Variants in PPIP5K1 observed in about 807,000 individuals in gnomAD.
PPIP5K1 encodes the protein inositol hexakisphosphate and diphosphoinositol-pentakisphosphate kinase 1.
PPIP5K1 carries 6 observed loss-of-function variants against 27.7 expected under a neutral mutation model. The ratio of observed to expected loss-of-function variants is 0.22; its 90% CI spans 0.12 to 0.43. PPIP5K1 has a LOEUF of 0.43. PPIP5K1 is among the 20% of genes least tolerant of loss of function. The pLI is 1.00. For synonymous variants in PPIP5K1, 145 were observed against 242.6 expected, an observed-to-expected ratio of 0.60 and a Z score of 3.74; for missense variants, 394 against 635.4, an observed-to-expected ratio of 0.62 and a Z score of 4.08.
intron 26 of PPIP5K1, among the ~76,000 whole-genome samples, chr15:43,567,414 G>A (rs1241124147): frequency 7.2e-4 from 1 of 1,394 alleles, no homozygotes; most frequent in Non-Finnish European, 1.8e-3. Flanking sequence ...CACTGCGCCT[G>A]GCCAGATCTA....
chr15:43,539,072 G>T (rs1167508492), intron 31 of PPIP5K1, among the ~76,000 whole-genome samples: 1 of 151,982 alleles, frequency 6.6e-6, no homozygotes, highest in South Asian at 2.1e-4. Context: ...TTAGCTGGGC[G>T]TGGTGGTGCA....
chr15:43,557,711 C>A (rs2083174701), intron 30 of PPIP5K1, among the ~76,000 whole-genome samples: 1 of 151,806 alleles, frequency 6.6e-6, no homozygotes, highest in Non-Finnish European at 1.5e-5. Flanking sequence ...TCCACCCAGG[C>A]TGGAGCGCAG....
intron 30 of PPIP5K1, 59 bp downstream of exon 30, chr15:43,558,736 T>C (rs2083375478): frequency 1.3e-6 from 2 of 1,599,504 alleles, no homozygotes; most frequent in Admixed American, 1.7e-5. Context: ...CTTTCTTATA[T>C]TCTAGGAAGC....
chr15:43,546,559 G>A (rs919004573), intron 30 of PPIP5K1, among the ~76,000 whole-genome samples: 2 of 151,982 alleles, frequency 1.3e-5, no homozygotes, highest in African/African-American at 4.8e-5. Flanking sequence ...ACAAAGAGCT[G>A]GGATTACAGG....
At chr15:43,558,297 G>A (rs184373986) in intron 30 of PPIP5K1, among the ~76,000 whole-genome samples, 11 of 149,064 alleles carry the variant, frequency 7.4e-5, no homozygotes, top group South Asian at 6.5e-4. Context: ...GTGTGATCTC[G>A]GCTCCCTGCA....
At chr15:43,557,829 C>CTT (rs749398933) in intron 30 of PPIP5K1, among the ~76,000 whole-genome samples, 9 of 125,802 alleles carry the variant, frequency 7.2e-5, no homozygotes, top group Non-Finnish European at 1.0e-4. Flanking sequence ...CATGCATAGC[C>CTT]TTTTTTTTTT....
rs1305890997 is a variant in PPIP5K1, at chr15:43,535,175, T to C, written c.3972A>G (p.Pro1324=). The change falls in exon 32 of 32, where the codon CCA becomes CCG. Residue 1324 remains proline (P), a synonymous_variant. Coordinates refer to ENST00000420765, the MANE Select transcript of PPIP5K1 (RefSeq NM_001394395.1). ...TGAGCGCCTCAGAAATGTCCTGGCA[T>C]GGCTGGCTGATGTCAGGGACCTCCT... The part of the protein sequence containing the change: ...PCQEVPDISQ[P]CQDISEALSQ... 1.2e-6 allele frequency: 2 copies of C among 1,613,612 alleles called. No individual in the cohort carries two copies. Among genetic ancestry groups the C allele is most frequent in the Admixed American group, 1.7e-5 (1 of 59,984 alleles).
intron 30 of PPIP5K1, among the ~76,000 whole-genome samples, chr15:43,546,009 T>TG (rs201805644): frequency 6.0e-5 from 9 of 150,472 alleles, no homozygotes; most frequent in Middle Eastern, 3.4e-3. Context: ...TTTCACTTTA[T>TG]GGGGAAAAAA....
At position 43,559,532 on chromosome 15, in the gene PPIP5K1, G is replaced by A. The variant is rs959249394; in HGVS notation, c.3419-600C>T. 5.3e-5 allele frequency among the ~76,000 whole-genome samples: 8 copies of A among 152,148 alleles called. 1 individual carries two copies. The highest frequency in any genetic ancestry group is 2.6e-4 in the Admixed American group (4 of 15,270). ...ACATGCATGAACAGGATGGGGATGG[G>A]AGTTCTTTCTTGGTAATTTCCATCA... On this transcript the variant is annotated intron_variant, in intron 29 of 31. Transcript: ENST00000420765.
intron 26 of PPIP5K1, among the ~76,000 whole-genome samples, chr15:43,565,636 G>C (rs2084103517): frequency 7.8e-6 from 1 of 127,764 alleles, no homozygotes; most frequent in African/African-American, 3.3e-5. Flanking sequence ...TGCAGCCTTG[G>C]TCTCCCAAGC....
At chr15:43,551,454 A>C (rs1311152618) in intron 30 of PPIP5K1, among the ~76,000 whole-genome samples, 1 of 148,224 alleles carries the variant, frequency 6.7e-6, no homozygotes, top group Non-Finnish European at 1.5e-5. Flanking sequence ...GGAGGCAGAG[A>C]TTGCAGTGAG....
chr15:43,558,459 C>T (rs1396173039), intron 30 of PPIP5K1, among the ~76,000 whole-genome samples: 1 of 152,150 alleles, frequency 6.6e-6, no homozygotes, highest in Non-Finnish European at 1.5e-5. Flanking sequence ...ATCACTTGAC[C>T]TCGTGATCCA....
intron 1 of PPIP5K1, among the ~76,000 whole-genome samples, chr15:43,586,548 G>A (rs1390715431): frequency 5.7e-5 from 1 of 17,554 alleles, no homozygotes; most frequent in African/African-American, 1.8e-4. Context: ...TTAAAAATTA[G>A]CCAGGCATAG....
At chr15:43,558,339 T>C (rs1595864023) in intron 30 of PPIP5K1, among the ~76,000 whole-genome samples, 2 of 151,942 alleles carry the variant, frequency 1.3e-5, no homozygotes, top group East Asian at 3.9e-4. Flanking sequence ...GCGATTCTCC[T>C]GCCTCAGCCT....
intron 30 of PPIP5K1, among the ~76,000 whole-genome samples, chr15:43,550,773 G>A (rs1018267974): frequency 2.0e-5 from 3 of 152,158 alleles, no homozygotes; most frequent in African/African-American, 7.2e-5. Context: ...TGTTCATTAA[G>A]TTCCCTTCTA....
intron 31 of PPIP5K1, chr15:43,536,049 T>C (rs1468087821): frequency 1.6e-6 from 2 of 1,243,278 alleles, no homozygotes; most frequent in East Asian, 5.7e-5. Context: ...GCAGAGGTAA[T>C]CATTATTTAT....
chr15:43,557,829 CTT>C (rs749398933), intron 30 of PPIP5K1, among the ~76,000 whole-genome samples: 6 of 125,794 alleles, frequency 4.8e-5, no homozygotes, highest in African/African-American at 1.5e-4. Flanking sequence ...CATGCATAGC[CTT>C]TTTTTTTTTT....
At chr15:43,545,466 G>A (rs1031631273) in intron 30 of PPIP5K1, among the ~76,000 whole-genome samples, 1 of 144,934 alleles carries the variant, frequency 6.9e-6, no homozygotes, top group African/African-American at 2.5e-5. Context: ...TTCTTTCTCT[G>A]TACACTTCTT....
chr15:43,558,713 T>C, intron 30 of PPIP5K1, 82 bp downstream of exon 30: 1 of 1,565,386 alleles, frequency 6.4e-7, no homozygotes, highest in Non-Finnish European at 8.7e-7. Flanking sequence ...CTAACTAGCT[T>C]TCTAATTTAC....
Sources: gnomAD v4.1 joint callset for allele counts (sites outside exome capture counted in the v4.1 genomes callset) on GRCh38, gnomAD v4.1.1 for gene constraint, MANE v1.5 for transcripts, NCBI Gene and HGNC (gene_info 2026-07-23, HGNC 2026-07-21) for gene names.